Variants in SRCAP observed in about 807,000 individuals in gnomAD.
SRCAP encodes the protein chromatin remodeling protein SRCAP.
A neutral mutation model predicts 263.1 loss-of-function variants in SRCAP; 46 were observed. That is an observed-to-expected ratio of 0.17 (90% CI 0.14 to 0.22). SRCAP has a LOEUF of 0.22. Among genes scored for constraint, SRCAP ranks in the 10% least tolerant of loss-of-function variants. The pLI is 1.00. For synonymous variants in SRCAP, 1,813 were observed against 1,662.1 expected, an observed-to-expected ratio of 1.09 and a Z score of -2.21; for missense variants, 3,695 against 4,181.9, an observed-to-expected ratio of 0.88 and a Z score of 3.21.
rs774181430 is a variant in SRCAP, at chr16:30,739,551, G to A, written c.9511G>A (p.Glu3171Lys). Reference sequence around the variant, plus strand: ...CCTGGGGCCTGAGGGTTCAGTAGAGGAGTCTGAGGCTGAAGCCTCAGGTGA... The same window carrying A: ...CCTGGGGCCTGAGGGTTCAGTAGAGAAGTCTGAGGCTGAAGCCTCAGGTGA... ...SPLGPEGSVE[E>K]SEAEASGEEE... Residue 3171 changes from glutamate to lysine, a missense_variant, in exon 34 of 34, where the codon GAG becomes AAG. Physicochemically the swap from Glu to Lys is moderately conservative, Grantham distance 56. Around this residue, in one of 12 missense-constraint regions of SRCAP, gnomAD observed 1,207 missense variants for 1,142.9 expected, o/e 1.06. Transcript: ENST00000262518. The A allele has an allele frequency of 6.2e-7, 1 of 1,610,160 alleles. No homozygotes were observed. The highest frequency in any genetic ancestry group is 1.1e-5 in the South Asian group (1 of 90,828).
chr16:30,730,390 T>C (rs1163373332), intron 27 of SRCAP, among the ~76,000 whole-genome samples: 1 of 151,950 alleles, frequency 6.6e-6, no homozygotes, highest in Non-Finnish European at 1.5e-5. Flanking sequence ...GCTGTTTCAG[T>C]AGCTTAACGA....
rs774055207 is a variant in SRCAP at position 30,723,146 on chromosome 16, G to T, written c.4076G>T (p.Gly1359Val). Residue 1359 changes from glycine (G) to valine (V), a missense_variant, in exon 24 of 34, where the codon GGT (glycine) becomes GTT (valine). By Grantham distance (109) the Gly-to-Val change is moderately radical. This residue lies in a region of SRCAP where 1,347 missense variants were observed against 1,304.4 expected (regional missense o/e 1.03). Coordinates refer to ENST00000262518, the MANE Select transcript of SRCAP (RefSeq NM_006662.3). ...TPGRLPTPTL[G>V]TARAPMPTPT... Reference sequence around the variant, plus strand: ...GGCCGGCTACCCACACCTACTCTGGGTACTGCTCGAGCCCCCATGCCCACA... The same window carrying T: ...GGCCGGCTACCCACACCTACTCTGGTTACTGCTCGAGCCCCCATGCCCACA... The T allele has an allele frequency of 1.1e-4, 179 of 1,613,948 alleles. No homozygotes were observed. Among genetic ancestry groups the T allele is most frequent in the Middle Eastern group, 1.6e-4 (1 of 6,084 alleles).
chr16:30,733,153 A>G lies in SRCAP; in HGVS notation c.6128-127A>G. 9.1e-7 allele frequency: 1 copy of G among 1,095,502 alleles called. No homozygotes were observed. The highest frequency in any genetic ancestry group is 1.3e-6 in the Non-Finnish European group (1 of 763,028). 67.9% of individuals were successfully genotyped at this position (1,095,502 alleles called of 1,614,324 possible). On this transcript the variant is annotated intron_variant, in intron 27 of 33. Coordinates refer to ENST00000262518, the MANE Select transcript of SRCAP (RefSeq NM_006662.3). The surrounding 1 kb of genome is among the most constrained non-coding windows in gnomAD (Gnocchi z 5.3). ...GCCCTGCCGTAGTTAAACATTTTTGATCTGCTAGGCTAATTGAAACTTTGG... is the reference window on the plus strand; with the variant it reads ...GCCCTGCCGTAGTTAAACATTTTTGGTCTGCTAGGCTAATTGAAACTTTGG...
At chr16:30,713,983 C>T (rs567054796) in intron 16 of SRCAP, among the ~76,000 whole-genome samples, 53 of 150,358 alleles carry the variant, frequency 3.5e-4, no homozygotes, top group African/African-American at 1.2e-3. Flanking sequence ...CTGCAAACTC[C>T]GCCTTCTGGG....
intron 31 of SRCAP, 95 bp from the exon 32 acceptor site, chr16:30,736,105 T>G: frequency 6.8e-7 from 1 of 1,468,950 alleles, no homozygotes; most frequent in Non-Finnish European, 9.2e-7. Flanking sequence ...CCTAGTTTGG[T>G]GTACGCTTGG....
chr16:30,737,541 C>G lies in SRCAP; in HGVS notation c.7501C>G (p.Pro2501Ala). The G allele has an allele frequency of 6.2e-7, 1 of 1,610,990 alleles. No homozygotes were observed. The highest frequency in any genetic ancestry group is 1.1e-5 in the South Asian group (1 of 91,014). ...TCCTTGTTCTTCTCCTGCCTGCACCCCTCCTCCTGCCTGTACCCCTCCACC... is the reference window on the plus strand; with the variant it reads ...TCCTTGTTCTTCTCCTGCCTGCACCGCTCCTCCTGCCTGTACCCCTCCACC... Reference protein sequence around the residue: ...IPPCSSPACTPPPACTPPPAH... With the variant: ...IPPCSSPACTAPPACTPPPAH... Residue 2501 changes from proline to alanine, a missense_variant, in exon 34 of 34, where the codon CCT becomes GCT. By Grantham distance (27) the Pro-to-Ala change is conservative. Transcript: ENST00000262518.
intron 25 of SRCAP, among the ~76,000 whole-genome samples, chr16:30,726,981 C>T (rs1407901127): frequency 6.6e-6 from 1 of 152,142 alleles, no homozygotes; most frequent in African/African-American, 2.4e-5. Context: ...GGATTATAGA[C>T]ATGAGCCACT....
At chr16:30,711,480 A>T in intron 10 of SRCAP, 91 bp from the exon 11 acceptor site, 1 of 1,346,928 alleles carries the variant, frequency 7.4e-7, no homozygotes, top group South Asian at 1.5e-5. Context: ...AGCAGTATCT[A>T]CAGAGACCTA....
Position 30,729,394 on chromosome 16 carries a change from G to A in SRCAP, c.5949G>A (p.Val1983=). 5 of 1,614,076 alleles carry A rather than the reference G, an allele frequency of 3.1e-6. No individual in the cohort carries two copies. The highest frequency in any genetic ancestry group is 4.2e-6 in the Non-Finnish European group (5 of 1,180,024). ...GGTTCATCTTTGTCATGCCTCCTGT[G>A]GAGGCACCTCCCCCTTCCCTGCATG... ...IERFIFVMPP[V]EAPPPSLHAC... Residue 1983 remains valine (V), a synonymous_variant, in exon 27 of 34, where the codon GTG becomes GTA. Transcript: ENST00000262518.
intron 6 of SRCAP, among the ~76,000 whole-genome samples, chr16:30,709,224 G>A (rs564089062): frequency 1.3e-5 from 2 of 151,796 alleles, no homozygotes; most frequent in Non-Finnish European, 2.9e-5. Context: ...GAGCCCAGGA[G>A]TTTGACACTA....
At chr16:30,710,279 CTGTT>C (rs1252663960) in intron 8 of SRCAP, 151 bp downstream of exon 8, 8 of 850,192 alleles carry the variant, frequency 9.4e-6, no homozygotes, top group Middle Eastern at 3.6e-4. Flanking sequence ...GGGGAAGAAT[CTGTT>C]TGGGGCAAGT....
chr16:30,724,057 T>C lies in SRCAP; in HGVS notation c.4633T>C (p.Cys1545Arg), dbSNP rs1391703841. The C allele has an allele frequency of 1.2e-6, 2 of 1,613,784 alleles. No individual in the cohort carries two copies. Among genetic ancestry groups the C allele is most frequent in the African/African-American group, 1.3e-5 (1 of 75,038 alleles). ...PGLNSTVAPACSPVLVPASAL... is the reference protein window; with the variant it reads ...PGLNSTVAPARSPVLVPASAL... ...GTTGAACTCAACCGTGGCCCCAGCATGCTCACCTGTCCTGGTGCCAGCTTC... is the reference window on the plus strand; with the variant it reads ...GTTGAACTCAACCGTGGCCCCAGCACGCTCACCTGTCCTGGTGCCAGCTTC... Residue 1545 changes from cysteine (C) to arginine (R), a missense_variant, in exon 25 of 34, where the codon TGC becomes CGC. This residue lies in a region of SRCAP where 1,347 missense variants were observed against 1,304.4 expected (regional missense o/e 1.03). Transcript: ENST00000262518.
chr16:30,706,097 ATTTAGTC>A (rs1275865753), intron 4 of SRCAP, among the ~76,000 whole-genome samples: 5 of 152,248 alleles, frequency 3.3e-5, no homozygotes, highest in Non-Finnish European at 4.4e-5. Flanking sequence ...CTGTCAGGCC[ATTTAGTC>A]CTGTCTGGTC....
intron 18 of SRCAP, 122 bp from the exon 19 acceptor site, chr16:30,720,040 G>GT (rs2052994775): frequency 1.9e-6 from 2 of 1,057,826 alleles, no homozygotes; most frequent in Non-Finnish European, 2.8e-6. Flanking sequence ...GTGAGTACAT[G>GT]TGGTATTTGG....
At chr16:30,712,210 C>T in intron 12 of SRCAP, 52 bp from the exon 13 acceptor site, 7 of 1,600,386 alleles carry the variant, frequency 4.4e-6, no homozygotes, top group Middle Eastern at 1.7e-4. Flanking sequence ...TCTCATGTCC[C>T]CACAACAAAT....
intron 27 of SRCAP, among the ~76,000 whole-genome samples, chr16:30,731,397 T>C (rs577314221): frequency 6.1e-4 from 93 of 152,310 alleles, no homozygotes; most frequent in Middle Eastern, 3.4e-3. Flanking sequence ...AGTGACTAGT[T>C]CCACAGCCCT....
chr16:30,714,359 C>T (rs866956700), intron 16 of SRCAP, among the ~76,000 whole-genome samples: 4 of 150,936 alleles, frequency 2.7e-5, no homozygotes, highest in Non-Finnish European at 4.4e-5. Flanking sequence ...CCACCGCGCC[C>T]GGCCTACGCC....
rs1394464085 is a variant in SRCAP, at chr16:30,715,392, C to T, written c.2494-674C>T. On this transcript the variant is annotated intron_variant, in intron 16 of 33. Transcript: ENST00000262518. ...CATCCTGGCTAAAATGGTGAAACCC[C>T]GTCTCTACTAAAAATACAAAAAATT... Among the ~76,000 whole-genome samples the T allele has an allele frequency of 5.3e-5, 8 of 151,800 alleles. No homozygotes were observed. The East Asian group carries it at 5.8e-4, about 11-fold the overall frequency.
chr16:30,716,543 T>G, intron 18 of SRCAP, 64 bp downstream of exon 18: 2 of 1,468,308 alleles, frequency 1.4e-6, no homozygotes, highest in Non-Finnish European at 1.8e-6. Context: ...CATGTACCTC[T>G]TTTCGTTAGA....
Sources: gnomAD v4.1 joint callset for allele counts (sites outside exome capture counted in the v4.1 genomes callset) on GRCh38, gnomAD v4.1.1 for gene constraint, gnomAD v4.1.1 regional missense constraint, Gnocchi (gnomAD v3.1) non-coding constraint, MANE v1.5 for transcripts, NCBI Gene and HGNC (gene_info 2026-07-23, HGNC 2026-07-21) for gene names.